The following SORCS3 variants were observed in gnomAD, a reference collection of about 807,000 sequenced individuals.
SORCS3 encodes the protein sortilin related VPS10 domain containing receptor 3, also known as VPS10 domain-containing receptor SorCS3.
A neutral mutation model predicts 146.3 loss-of-function variants in SORCS3; 57 were observed. The observed-to-expected ratio is 0.39, with a 90% CI of 0.31 to 0.49. The LOEUF is 0.49. Ranked by LOEUF, SORCS3 falls within the 20% of genes least tolerant of loss-of-function variation. The pLI is 0.92. For synonymous variants in SORCS3, 653 were observed against 618.5 expected, an observed-to-expected ratio of 1.06 and a Z score of -0.83; for missense variants, 1,341 against 1,575.5, an observed-to-expected ratio of 0.85 and a Z score of 2.52.
intron 5 of SORCS3, among the ~76,000 whole-genome samples, chr10:105,065,474 C>T (rs1174803105): frequency 6.6e-6 from 1 of 151,874 alleles, no homozygotes; most frequent in African/African-American, 2.4e-5. Flanking sequence ...ACACGACGAC[C>T]TCTGAGAACC....
intron 1 of SORCS3, among the ~76,000 whole-genome samples, chr10:104,753,256 G>A (rs989072526): frequency 5.3e-5 from 8 of 152,194 alleles, no homozygotes; most frequent in Admixed American, 5.2e-4. Flanking sequence ...TTATGAGTAA[G>A]GAATCCATTT....
At chr10:104,926,967 G>A (rs1017591500) in intron 3 of SORCS3, among the ~76,000 whole-genome samples, 3 of 152,078 alleles carry the variant, frequency 2.0e-5, no homozygotes, top group African/African-American at 7.2e-5. Context: ...TAAAAATAAA[G>A]ATAATAATGA....
intron 4 of SORCS3, among the ~76,000 whole-genome samples, chr10:105,026,766 G>A (rs1321576757): frequency 6.6e-6 from 1 of 152,142 alleles, no homozygotes; most frequent in South Asian, 2.1e-4. Flanking sequence ...TTATAAATGG[G>A]AGCTAAACAT....
chr10:105,106,550 C>A (rs2055823204), intron 7 of SORCS3, among the ~76,000 whole-genome samples: 1 of 152,154 alleles, frequency 6.6e-6, no homozygotes, highest in African/African-American at 2.4e-5. Flanking sequence ...ACACAGTTGA[C>A]CCCTCTCCCT....
At chr10:104,998,820 C>G (rs1256244426) in intron 4 of SORCS3, among the ~76,000 whole-genome samples, 3 of 152,138 alleles carry the variant, frequency 2.0e-5, no homozygotes, top group Non-Finnish European at 4.4e-5. Context: ...GTGTGGACAT[C>G]TGTGACTGGC....
At chr10:104,751,833 C>T (rs1301069534) in intron 1 of SORCS3, among the ~76,000 whole-genome samples, 1 of 148,626 alleles carries the variant, frequency 6.7e-6, no homozygotes, top group African/African-American at 2.5e-5. Flanking sequence ...CCCACAATGA[C>T]CTTGTACTGT....
intron 4 of SORCS3, among the ~76,000 whole-genome samples, chr10:104,985,324 A>G (rs764592226): frequency 6.6e-6 from 1 of 152,162 alleles, no homozygotes; most frequent in South Asian, 2.1e-4. Flanking sequence ...GCAACTCCTT[A>G]TCTGTTCAAG....
At chr10:105,123,967 T>C (rs2055954288) in intron 7 of SORCS3, among the ~76,000 whole-genome samples, 1 of 152,142 alleles carries the variant, frequency 6.6e-6, no homozygotes, top group Non-Finnish European at 1.5e-5. Flanking sequence ...TAAAAGACAA[T>C]TATGTGTGTG....
intron 4 of SORCS3, among the ~76,000 whole-genome samples, chr10:105,002,150 C>A (rs1033797630): frequency 6.6e-6 from 1 of 152,100 alleles, no homozygotes; most frequent in Non-Finnish European, 1.5e-5. Flanking sequence ...ACCTTCATAG[C>A]CTCTGATTTT....
At chr10:104,744,156 A>T (rs1175462859) in intron 1 of SORCS3, among the ~76,000 whole-genome samples, 1 of 152,208 alleles carries the variant, frequency 6.6e-6, no homozygotes, top group African/African-American at 2.4e-5. Context: ...CTCATTCTAG[A>T]GCTCTTCTCC....
intron 7 of SORCS3, among the ~76,000 whole-genome samples, chr10:105,118,037 T>C (rs2133762805): frequency 6.6e-6 from 1 of 152,262 alleles, no homozygotes; most frequent in Non-Finnish European, 1.5e-5. Flanking sequence ...CTCAGTGTTC[T>C]TTCTAGGTTC....
At chr10:105,090,300 G>C (rs1290168402) in intron 6 of SORCS3, among the ~76,000 whole-genome samples, 1 of 152,110 alleles carries the variant, frequency 6.6e-6, no homozygotes, top group African/African-American at 2.4e-5. Flanking sequence ...CTAAGTGTCA[G>C]ACATAATTTT....
intron 3 of SORCS3, among the ~76,000 whole-genome samples, chr10:104,917,608 T>G (rs1056580755): frequency 6.6e-6 from 1 of 152,186 alleles, no homozygotes; most frequent in Non-Finnish European, 1.5e-5. Context: ...TAACTGTAAT[T>G]ATGTATTTTT....
intron 6 of SORCS3, among the ~76,000 whole-genome samples, chr10:105,100,050 A>C (rs964705): frequency 0.24 from 36,364 of 152,102 alleles, 4,507 homozygotes; most frequent in Admixed American, 0.34. Context: ...CCACGTCTGT[A>C]TGGTGAGAAG....
intron 5 of SORCS3, among the ~76,000 whole-genome samples, chr10:105,052,765 C>T (rs114468786): frequency 0.028 from 4,206 of 152,068 alleles, 196 homozygotes; most frequent in African/African-American, 0.096. Context: ...ATGTTGAGCT[C>T]GGCGCCCAAG....
chr10:105,223,127 C>T lies in SORCS3; in HGVS notation c.2746C>T (p.His916Tyr). The T allele has an allele frequency of 6.2e-7, 1 of 1,605,910 alleles. No homozygotes were observed. Among genetic ancestry groups the T allele is most frequent in the Non-Finnish European group, 8.5e-7 (1 of 1,174,610 alleles). ...LFLHVVCPVE[H>Y]VHLRVPFVAI... is the part of the protein sequence containing the mutation. ...TTCTGTTTCCTTAGGTCCTGTGGAG[C>T]ATGTTCATCTCCGAGTTCCATTTGT... The change falls in exon 20 of 27, where the codon CAT (histidine) becomes TAT (tyrosine). Residue 916 changes from histidine to tyrosine, a missense_variant. Physicochemically the swap from His to Tyr is moderately conservative, Grantham distance 83. Transcript: ENST00000369701.
intron 4 of SORCS3, among the ~76,000 whole-genome samples, chr10:105,000,455 G>T (rs1447355666): frequency 6.6e-6 from 1 of 152,010 alleles, no homozygotes; most frequent in African/African-American, 2.4e-5. Flanking sequence ...CCCCACCGGT[G>T]GTGGTGGTAG....
At chr10:105,034,911 C>T (rs1197410485) in intron 4 of SORCS3, among the ~76,000 whole-genome samples, 2 of 152,188 alleles carry the variant, frequency 1.3e-5, no homozygotes, top group African/African-American at 4.8e-5. Context: ...ATATTCAAGT[C>T]TAGGATTCTA....
intron 1 of SORCS3, among the ~76,000 whole-genome samples, chr10:104,765,633 G>A (rs2017170930): frequency 6.6e-6 from 1 of 152,126 alleles, no homozygotes; most frequent in African/African-American, 2.4e-5. Flanking sequence ...AGCTTTCTTG[G>A]CATAGAATCT....
Sources: allele counts gnomAD v4.1 joint callset (sites outside exome capture counted in the v4.1 genomes callset), GRCh38; gene constraint gnomAD v4.1.1; transcripts MANE v1.5; gene names NCBI Gene and HGNC (gene_info 2026-07-23, HGNC 2026-07-21).